The following TTLL5 variants were observed in gnomAD, a reference collection of about 807,000 sequenced individuals.
The protein encoded by TTLL5 is tubulin tyrosine ligase like 5.
In TTLL5, 132 loss-of-function variants were observed where a neutral mutation model predicts 168.4. That is an observed-to-expected ratio of 0.78 (90% CI 0.68 to 0.91). The LOEUF is 0.91. Ranked by LOEUF, TTLL5 falls within the 40% of genes least tolerant of loss-of-function variation. The pLI is 0.00. For missense variants in TTLL5, 1,545 were observed against 1,581.5 expected, an observed-to-expected ratio of 0.98 and a Z score of 0.39; for synonymous variants, 546 against 558.6, an observed-to-expected ratio of 0.98 and a Z score of 0.32.
At chr14:75,683,837 G>T (rs914925936) in intron 5 of TTLL5, 181 bp downstream of exon 5, 2 of 459,572 alleles carry the variant, frequency 4.4e-6, no homozygotes, top group Non-Finnish European at 7.9e-6. Flanking sequence ...GCAGTGGCAT[G>T]ATCTTGGCTC....
chr14:75,940,528 G>A (rs920077425), intron 31 of TTLL5, among the ~76,000 whole-genome samples: 14 of 152,130 alleles, frequency 9.2e-5, no homozygotes, highest in Admixed American at 7.9e-4. Context: ...TTCGAAACTA[G>A]CATGGTAGAT....
intron 28 of TTLL5, among the ~76,000 whole-genome samples, chr14:75,855,169 AAT>A (rs1897069878): frequency 6.6e-6 from 1 of 151,408 alleles, no homozygotes; most frequent in Non-Finnish European, 1.5e-5. Flanking sequence ...AAAAAAAAGA[AAT>A]AAGAAAAAAA....
chr14:75,744,410 T>TCA (rs770279810), intron 15 of TTLL5: 1 of 152,208 alleles, frequency 6.6e-6, no homozygotes, highest in Non-Finnish European at 1.5e-5. Context: ...GAAGCTGAAA[T>TCA]AGCCAAGATC....
At chr14:75,924,411 C>G (rs2033936200) in intron 31 of TTLL5, among the ~76,000 whole-genome samples, 1 of 151,562 alleles carries the variant, frequency 6.6e-6, no homozygotes, top group Admixed American at 6.6e-5. Flanking sequence ...TCTGGTTTTC[C>G]TAGGCAGAGG....
chr14:75,685,516 TCC>T (rs1010400975), intron 5 of TTLL5, among the ~76,000 whole-genome samples: 2 of 152,156 alleles, frequency 1.3e-5, no homozygotes, highest in African/African-American at 4.8e-5. Context: ...ATATATAGTT[TCC>T]CCAAATTATT....
At chr14:75,663,327 CTTTTATCTAG>C (rs1890875169) in intron 2 of TTLL5, 104 bp downstream of exon 2, 2 of 1,106,544 alleles carry the variant, frequency 1.8e-6, no homozygotes, top group African/African-American at 3.2e-5. Flanking sequence ...CTTATGTACT[CTTTTATCTAG>C]TGTCATTCCT....
intron 26 of TTLL5, among the ~76,000 whole-genome samples, chr14:75,791,309 G>A (rs1163160282): frequency 6.6e-6 from 1 of 152,008 alleles, no homozygotes; most frequent in Non-Finnish European, 1.5e-5. Flanking sequence ...CCATTGATAG[G>A]GGAATAGAAA....
intron 18 of TTLL5, among the ~76,000 whole-genome samples, chr14:75,756,385 G>A (rs1238754398): frequency 6.6e-6 from 1 of 152,084 alleles, no homozygotes; most frequent in Non-Finnish European, 1.5e-5. Context: ...GGCAACATAG[G>A]GGATCTTCAT....
chr14:75,697,206 G>A (rs1683995058), intron 6 of TTLL5, among the ~76,000 whole-genome samples: 1 of 152,162 alleles, frequency 6.6e-6, no homozygotes, highest in Non-Finnish European at 1.5e-5. Flanking sequence ...AAACTGCATG[G>A]CCTGCAAAGC....
At chr14:75,678,376 G>T (rs576656868) in intron 3 of TTLL5, among the ~76,000 whole-genome samples, 1 of 152,192 alleles carries the variant, frequency 6.6e-6, no homozygotes, top group African/African-American at 2.4e-5. Context: ...GAGAATAAGG[G>T]CATATTCTAT....
chr14:75,906,746 T>C, intron 31 of TTLL5: 17 of 980,048 alleles, frequency 1.7e-5, no homozygotes, highest in Non-Finnish European at 1.9e-5. Context: ...GCAAGAGACT[T>C]AGTGGCTACC....
chr14:75,693,839 T>A (rs1471301100), intron 6 of TTLL5, among the ~76,000 whole-genome samples: 1 of 152,250 alleles, frequency 6.6e-6, no homozygotes, highest in Admixed American at 6.5e-5. Flanking sequence ...GCCAACTAAT[T>A]ACAGATGACT....
chr14:75,838,466 GC>G (rs1262115123), intron 28 of TTLL5: 1 of 152,156 alleles, frequency 6.6e-6, no homozygotes, highest in Admixed American at 6.5e-5. Flanking sequence ...GGAGGCTGAG[GC>G]AGGAGAATGA....
At chr14:75,875,497 G>A (rs1391009508) in intron 29 of TTLL5, among the ~76,000 whole-genome samples, 5 of 150,998 alleles carry the variant, frequency 3.3e-5, no homozygotes, top group African/African-American at 7.3e-5. Flanking sequence ...AGCCGAGATC[G>A]TGCCACTGCA....
intron 12 of TTLL5, among the ~76,000 whole-genome samples, chr14:75,723,856 G>T (rs1888002387): frequency 6.6e-6 from 1 of 151,960 alleles, no homozygotes; most frequent in Non-Finnish European, 1.5e-5. Context: ...GGCTTTTGTG[G>T]TTCTAATTCC....
chr14:75,942,526 C>G (rs2034643068), intron 31 of TTLL5, among the ~76,000 whole-genome samples: 1 of 152,170 alleles, frequency 6.6e-6, no homozygotes, highest in African/African-American at 2.4e-5. Context: ...TCCCCATGTG[C>G]CTCCAAATGA....
Position 75,745,172 on chromosome 14 carries a change from G to C in TTLL5, c.1359G>C (p.Lys453Asn), listed in dbSNP as rs756685377. 5 of 1,614,024 alleles carry C rather than the reference G, an allele frequency of 3.1e-6. No individual in the cohort carries two copies. In the East Asian group the frequency reaches 8.9e-5, roughly 29 times the overall value. The change falls in exon 16 of 32, where the codon AAG (lysine) becomes AAC (asparagine). Residue 453 changes from lysine (K) to asparagine (N), a missense_variant. Coordinates refer to ENST00000298832, the MANE Select transcript of TTLL5 (RefSeq NM_015072.5). ...CAGCCCGGGAGAAAGGGCCAGGGAA[G>C]TTGGGTGGTTCTGTGCTTGGTCTGT... ...VGSAREKGPGKLGGSVLGLSM... is the reference protein window; with the variant it reads ...VGSAREKGPGNLGGSVLGLSM...
intron 29 of TTLL5, among the ~76,000 whole-genome samples, chr14:75,877,552 A>G (rs1414903788): frequency 6.6e-6 from 1 of 152,222 alleles, no homozygotes; most frequent in Non-Finnish European, 1.5e-5. Flanking sequence ...GCAAAGAAAC[A>G]AGAGTCATGT....
chr14:75,700,663 C>G (rs771745333), intron 7 of TTLL5, among the ~76,000 whole-genome samples: 4 of 152,190 alleles, frequency 2.6e-5, no homozygotes, highest in Non-Finnish European at 4.4e-5. Flanking sequence ...CGGCTTGGCC[C>G]TCTTCCACGT....
Sources: allele counts gnomAD v4.1 joint callset (sites outside exome capture counted in the v4.1 genomes callset), GRCh38; gene constraint gnomAD v4.1.1; transcripts MANE v1.5; gene names NCBI Gene and HGNC (gene_info 2026-07-23, HGNC 2026-07-21).